The following ADCY8 variants were observed in gnomAD, a reference collection of about 807,000 sequenced individuals.
ADCY8 encodes adenylate cyclase 8, also known as adenylate cyclase type 8.
A neutral mutation model predicts 119.7 loss-of-function variants in ADCY8; 51 were observed. The observed-to-expected ratio is 0.43, with a 90% CI of 0.34 to 0.54. The LOEUF (loss-of-function observed/expected upper bound fraction) is 0.54. Among genes scored for constraint, ADCY8 ranks in the 20% least tolerant of loss-of-function variants. The pLI is 0.03. For missense variants in ADCY8, 1,383 were observed against 1,598.8 expected, an observed-to-expected ratio of 0.87 and a Z score of 2.30; for synonymous variants, 665 against 651.0, an observed-to-expected ratio of 1.02 and a Z score of -0.33.
intron 9 of ADCY8, among the ~76,000 whole-genome samples, chr8:130,850,630 T>C (rs1023273213): frequency 1.3e-5 from 2 of 152,156 alleles, no homozygotes; most frequent in African/African-American, 4.8e-5. Flanking sequence ...CTGATGCAGG[T>C]GTTAAAGGGT....
intron 4 of ADCY8, among the ~76,000 whole-genome samples, chr8:130,940,396 C>T (rs1358755315): frequency 2.6e-5 from 4 of 152,134 alleles, no homozygotes; most frequent in African/African-American, 4.8e-5. Context: ...ATGATGTTCA[C>T]GTCCAGGGTT....
At chr8:130,913,099 G>A (rs1820028296) in intron 5 of ADCY8, among the ~76,000 whole-genome samples, 2 of 151,952 alleles carry the variant, frequency 1.3e-5, no homozygotes, top group African/African-American at 4.8e-5. Context: ...TATTTATGGG[G>A]TACATGAGGT....
At position 131,017,700 on chromosome 8, in the gene ADCY8, C is replaced by T. The variant is rs887136141; in HGVS notation, c.960+21674G>A. Among the ~76,000 whole-genome samples, 3 of 152,168 alleles carry T rather than the reference C, an allele frequency of 2.0e-5. No homozygotes were observed. The South Asian group carries it at 6.2e-4, about 32-fold the overall frequency. ...TATGTCCCCACCACCTGCAAGGGGC[C>T]GACGATGGAGCCTACTAGCAATCAC... On this transcript the variant is annotated intron_variant, in intron 1 of 17. Coordinates refer to ENST00000286355, the MANE Select transcript of ADCY8 (RefSeq NM_001115.3).
chr8:130,898,582 A>G (rs544055470), intron 7 of ADCY8, among the ~76,000 whole-genome samples: 1 of 152,324 alleles, frequency 6.6e-6, no homozygotes, highest in East Asian at 1.9e-4. Flanking sequence ...CTAGCGGAGT[A>G]ACAGAAACAT....
intron 9 of ADCY8, among the ~76,000 whole-genome samples, chr8:130,860,367 A>C (rs951670219): frequency 6.6e-6 from 1 of 152,196 alleles, no homozygotes; most frequent in African/African-American, 2.4e-5. Flanking sequence ...TTTCATTCTC[A>C]AACAGTGTCT....
chr8:131,002,179 A>C (rs1822970681), intron 1 of ADCY8, among the ~76,000 whole-genome samples: 1 of 152,210 alleles, frequency 6.6e-6, no homozygotes, highest in African/African-American at 2.4e-5. Flanking sequence ...CTTCCTCAAA[A>C]TGTTGGATAA....
At chr8:130,951,644 G>T (rs1821275085) in intron 3 of ADCY8, among the ~76,000 whole-genome samples, 1 of 152,144 alleles carries the variant, frequency 6.6e-6, no homozygotes, top group Non-Finnish European at 1.5e-5. Context: ...GGAGAGCTAG[G>T]CAGTAAGTCA....
intron 1 of ADCY8, among the ~76,000 whole-genome samples, chr8:130,991,691 A>G (rs1245382054): frequency 6.6e-6 from 1 of 152,254 alleles, no homozygotes; most frequent in Non-Finnish European, 1.5e-5. Flanking sequence ...ATTATGTGAC[A>G]TAAAAATAAA....
chr8:130,953,105 A>G (rs570567445), intron 2 of ADCY8, among the ~76,000 whole-genome samples: 1 of 152,334 alleles, frequency 6.6e-6, no homozygotes, highest in East Asian at 1.9e-4. Flanking sequence ...CTGGCTTCTG[A>G]CACATGGTTT....
intron 7 of ADCY8, among the ~76,000 whole-genome samples, chr8:130,903,350 TCAGAGGGTGACA>T (rs1038166047): frequency 6.6e-6 from 1 of 151,940 alleles, no homozygotes; most frequent in Non-Finnish European, 1.5e-5. Context: ...ATTTTGAATC[TCAGAGGGTGACA>T]CAGAACTGAT....
chr8:131,006,425 G>A (rs1258374007), intron 1 of ADCY8, among the ~76,000 whole-genome samples: 1 of 152,154 alleles, frequency 6.6e-6, no homozygotes, highest in Non-Finnish European at 1.5e-5. Context: ...AAAATCATAT[G>A]CCCTTATCAA....
Position 131,040,472 on chromosome 8 carries a change from CGCT to C in ADCY8, c.-142_-140del. The C allele has an allele frequency of 9.3e-7, 1 of 1,075,092 alleles. No individual in the cohort carries two copies. Among genetic ancestry groups the C allele is most frequent in the Non-Finnish European group, 1.2e-6 (1 of 812,688 alleles). 66.6% of individuals were successfully genotyped at this position (1,075,092 alleles called of 1,614,324 possible). A position where few individuals can be genotyped will look rare whatever the true frequency, so the allele number is the denominator to read the frequency against. On this transcript the variant is annotated 5_prime_UTR_variant, in exon 1 of 18. Coordinates refer to ENST00000286355, the MANE Select transcript of ADCY8 (RefSeq NM_001115.3). Reference sequence around the variant, plus strand: ...AGGCTGCCCCGTTGCAGGAGCCCTGCGCTAGGGCTCCCTGTAGGTCGGGTCATA... The same window carrying C: ...AGGCTGCCCCGTTGCAGGAGCCCTGCAGGGCTCCCTGTAGGTCGGGTCATA...
chr8:130,906,534 A>T (rs1441040555), intron 6 of ADCY8, among the ~76,000 whole-genome samples: 2 of 152,146 alleles, frequency 1.3e-5, no homozygotes, highest in African/African-American at 2.4e-5. Flanking sequence ...GCTAATCAAT[A>T]TGCACTTAAA....
intron 1 of ADCY8, among the ~76,000 whole-genome samples, chr8:131,035,320 A>G (rs1390767040): frequency 6.6e-6 from 1 of 152,178 alleles, no homozygotes; most frequent in Non-Finnish European, 1.5e-5. Flanking sequence ...GAGCCTTCTG[A>G]AAGTTTCTCG....
chr8:131,014,633 G>C (rs747636440), intron 1 of ADCY8, among the ~76,000 whole-genome samples: 1 of 152,136 alleles, frequency 6.6e-6, no homozygotes, highest in Non-Finnish European at 1.5e-5. Flanking sequence ...TTCTAGCCTA[G>C]TAGTTCAAAG....
At chr8:130,976,309 T>C (rs572786369) in intron 2 of ADCY8, among the ~76,000 whole-genome samples, 2 of 152,312 alleles carry the variant, frequency 1.3e-5, no homozygotes, top group South Asian at 2.1e-4. Context: ...TTAACCATCA[T>C]TGGCTTGATG....
intron 2 of ADCY8, among the ~76,000 whole-genome samples, chr8:130,965,450 C>A (rs1821733323): frequency 6.6e-6 from 1 of 152,248 alleles, no homozygotes; most frequent in South Asian, 2.1e-4. Flanking sequence ...ACCAATGCAA[C>A]AAACCTGTAC....
At chr8:130,824,561 C>T (rs541473115) in intron 12 of ADCY8, among the ~76,000 whole-genome samples, 5 of 152,210 alleles carry the variant, frequency 3.3e-5, no homozygotes, top group African/African-American at 1.2e-4. Flanking sequence ...CTAGTAAAAA[C>T]CCACAGAAAA....
chr8:130,905,969 G>A lies in ADCY8; in HGVS notation c.1641-1927C>T, dbSNP rs535346853. 3.9e-4 allele frequency among the ~76,000 whole-genome samples: 59 copies of A among 152,310 alleles called. No individual in the cohort carries two copies. The South Asian group carries it at 9.3e-3, about 24-fold the overall frequency. On this transcript the variant is annotated intron_variant, in intron 6 of 17. Transcript: ENST00000286355. The stretch of plus-strand genomic sequence containing the variant: ...CCATTCTGCTAAATCCCTCCTTACA[G>A]AAAGAATAGTTCATTGCAAAGAACA...
Sources: gnomAD v4.1 joint callset for allele counts (sites outside exome capture counted in the v4.1 genomes callset) on GRCh38, gnomAD v4.1.1 for gene constraint, MANE v1.5 for transcripts, NCBI Gene and HGNC (gene_info 2026-07-23, HGNC 2026-07-21) for gene names.